The following PCDHA9 variants were observed in gnomAD, a reference collection of about 807,000 sequenced individuals.
The protein encoded by PCDHA9 is protocadherin alpha-9.
PCDHA9 carries 62 observed loss-of-function variants against 62.0 expected under a neutral mutation model. The observed-to-expected ratio is 1.00, with a 90% CI of 0.81 to 1.23. PCDHA9 has a LOEUF of 1.23. PCDHA9 is among the 50% of genes most tolerant of loss of function. PCDHA9 has a pLI of 0.00. For missense variants in PCDHA9, 1,205 were observed against 1,249.8 expected (o/e 0.96, Z 0.54); for synonymous variants, 557 against 567.6 (o/e 0.98, Z 0.27).
At chr5:140,940,994 G>A (rs1375374431) in intron 1 of PCDHA9, among the ~76,000 whole-genome samples, 1 of 152,094 alleles carries the variant, frequency 6.6e-6, no homozygotes, top group Non-Finnish European at 1.5e-5. Context: ...AAGTTTATAG[G>A]ATTAAATTTT....
Position 140,857,121 on chromosome 5 carries a change from T to C in PCDHA9, c.2394+6232T>C. 3.1e-6 allele frequency: 5 copies of C among 1,597,978 alleles called. 1 individual carries two copies. Among genetic ancestry groups the C allele is most frequent in the Non-Finnish European group, 4.3e-6 (5 of 1,167,600 alleles). ...ATTGTCACTTCTCTGTCTCTCCCAG[T>C]GAAAGAAGATGCTCAAGTGGGCACC... On this transcript the variant is annotated intron_variant, in intron 1 of 3. Transcript: ENST00000532602.
intron 1 of PCDHA9, among the ~76,000 whole-genome samples, chr5:140,917,287 G>C (rs190210744): frequency 6.8e-6 from 1 of 147,568 alleles, no homozygotes; most frequent in Non-Finnish European, 1.5e-5. Context: ...ACGCTTTTCC[G>C]TGTGCAGATA....
At chr5:140,928,293 G>A (rs782241081) in intron 1 of PCDHA9, 1 of 1,614,150 alleles carries the variant, frequency 6.2e-7, no homozygotes, top group South Asian at 1.1e-5. Flanking sequence ...TAGGCCGAGT[G>A]TTTGCCCAGG....
intron 1 of PCDHA9, chr5:140,967,765 C>A: frequency 6.2e-7 from 1 of 1,614,234 alleles, no homozygotes; most frequent in Non-Finnish European, 8.5e-7. Context: ...CCTACCAGAT[C>A]TATGTGCAGG....
At chr5:140,867,614 T>C (rs1157399169) in intron 1 of PCDHA9, 3 of 152,134 alleles carry the variant, frequency 2.0e-5, no homozygotes, top group Non-Finnish European at 2.9e-5. Context: ...ATCAAAACTA[T>C]AGAACAAAAT....
chr5:140,876,204 GC>G, intron 1 of PCDHA9: 1 of 1,613,934 alleles, frequency 6.2e-7, no homozygotes. Context: ...CGTTTGATAA[GC>G]CCAGCTATAA....
At chr5:140,974,109 T>A (rs192229356) in intron 1 of PCDHA9, among the ~76,000 whole-genome samples, 366 of 152,368 alleles carry the variant, frequency 2.4e-3, no homozygotes, top group Non-Finnish European at 3.7e-3. Context: ...AAAAGTATTC[T>A]TTTGCAGTGT....
Position 140,883,224 on chromosome 5 carries a change from C to A in PCDHA9, c.2394+32335C>A, listed in dbSNP as rs782659730. The stretch of plus-strand genomic sequence containing the variant: ...GAAGAAAAGAAATTATATGAAATAT[C>A]CGTGGAGGCAGTTGACAAAGGAAAT... On this transcript the variant is annotated intron_variant, in intron 1 of 3. Transcript: ENST00000532602. The A allele has an allele frequency of 1.2e-5, 20 of 1,613,828 alleles. 2 individuals carry two copies. In the South Asian group the frequency reaches 2.2e-4, roughly 18 times the overall value.
intron 1 of PCDHA9, among the ~76,000 whole-genome samples, chr5:140,950,594 G>C (rs1469063256): frequency 6.6e-6 from 1 of 152,040 alleles, no homozygotes; most frequent in African/African-American, 2.4e-5. Flanking sequence ...TGGTTTAGAA[G>C]TTTGACTATG....
chr5:140,928,698 G>A, intron 1 of PCDHA9: 1 of 1,614,148 alleles, frequency 6.2e-7, no homozygotes, highest in East Asian at 2.2e-5. Context: ...ACATCTCCCG[G>A]GCGTCTGACT....
chr5:140,863,258 G>A lies in PCDHA9; in HGVS notation c.2394+12369G>A, dbSNP rs1456133535. On this transcript the variant is annotated intron_variant, in intron 1 of 3. Transcript: ENST00000532602. The stretch of plus-strand genomic sequence containing the variant: ...CGGGCTTTGGCGGGCGTCGAGGTCC[G>A]GGAGGCAGCGCTGGTGGATGTCAAC... 8 of 1,445,594 alleles carry A rather than the reference G, an allele frequency of 5.5e-6. No homozygotes were observed. In the Admixed American group the frequency reaches 9.0e-5, roughly 16 times the overall value. The allele number at this position is 1,445,594 out of a possible 1,614,324, so 89.5% of individuals were successfully genotyped here.
chr5:140,909,684 GT>G (rs2074636344), intron 1 of PCDHA9, among the ~76,000 whole-genome samples: 1 of 152,220 alleles, frequency 6.6e-6, no homozygotes, highest in Non-Finnish European at 1.5e-5. Context: ...GGGAGCCAAT[GT>G]GGGGGTTCTG....
chr5:141,007,200 G>T (rs1437076735), intron 3 of PCDHA9, among the ~76,000 whole-genome samples: 2 of 152,010 alleles, frequency 1.3e-5, no homozygotes, highest in Admixed American at 6.6e-5. Context: ...GATGGTGGGG[G>T]CCAGAATATG....
chr5:140,980,275 C>G (rs1288435032), intron 2 of PCDHA9, among the ~76,000 whole-genome samples: 1 of 152,196 alleles, frequency 6.6e-6, no homozygotes. Flanking sequence ...AGTACCAACT[C>G]TTGAAAAGTA....
intron 1 of PCDHA9, chr5:140,969,060 A>T (rs2096292130): frequency 6.2e-7 from 1 of 1,614,012 alleles, no homozygotes. Context: ...AACAATATTG[A>T]TGCCAGGATA....
Position 140,849,947 on chromosome 5 carries a change from G to C in PCDHA9, c.1452G>C (p.Ala484=). 6.3e-7 allele frequency: 1 copy of C among 1,597,838 alleles called. No individual in the cohort carries two copies. The highest frequency in any genetic ancestry group is 2.2e-5 in the East Asian group (1 of 44,842). The change falls in exon 1 of 4, where the codon GCG becomes GCC. Residue 484 remains alanine, a synonymous_variant. Transcript: ENST00000532602. Reference sequence around the variant, plus strand: ...CGGTGTCTGCGCGGGACGCTGACGCGCAGGAGAACGCCCTGGTGTCCTACT... The same window carrying C: ...CGGTGTCTGCGCGGGACGCTGACGCCCAGGAGAACGCCCTGGTGTCCTACT... ...IFTVSARDAD[A]QENALVSYSL... is the part of the protein sequence containing the mutation.
intron 1 of PCDHA9, chr5:140,928,017 C>T (rs782665827): frequency 1.2e-6 from 2 of 1,614,064 alleles, no homozygotes; most frequent in East Asian, 4.5e-5. Flanking sequence ...ATGGTAGGGT[C>T]ATTTGTGGCA....
intron 1 of PCDHA9, chr5:140,876,086 C>T (rs371336139): frequency 2.5e-6 from 4 of 1,613,778 alleles, no homozygotes; most frequent in East Asian, 2.2e-5. Flanking sequence ...AGAGAGCAAA[C>T]GCCAAAACTC....
Position 140,959,365 on chromosome 5 carries a change from C to A in PCDHA9, c.2395-19584C>A, listed in dbSNP as rs77362755. On this transcript the variant is annotated intron_variant, in intron 1 of 3. Transcript: ENST00000532602. ...ACTCCAGCGGGACAACTGAGTGAGA[C>A]CCTGTCTCAAAAAAAAAAGTCACAA... Among the ~76,000 whole-genome samples the A allele has an allele frequency of 1.0e-3, 158 of 151,880 alleles. 5 individuals carry two copies. In the East Asian group the frequency reaches 0.028, roughly 27 times the overall value.
Sources: gnomAD v4.1 joint callset for allele counts (sites outside exome capture counted in the v4.1 genomes callset) on GRCh38, gnomAD v4.1.1 for gene constraint, MANE v1.5 for transcripts, NCBI Gene and HGNC (gene_info 2026-07-23, HGNC 2026-07-21) for gene names.